RORA: variants seen among roughly 807,000 people sequenced by gnomAD.
RORA encodes the protein nuclear receptor ROR-alpha.
In RORA, 7 loss-of-function variants were observed where a neutral mutation model predicts 69.5. That is an observed-to-expected ratio of 0.10 (90% CI 0.06 to 0.19). The LOEUF is 0.19. Among genes scored for constraint, RORA ranks in the 10% least tolerant of loss-of-function variants. The pLI is 1.00. For missense variants in RORA, 457 were observed against 663.0 expected, an observed-to-expected ratio of 0.69 and a Z score of 3.41; for synonymous variants, 261 against 240.8, an observed-to-expected ratio of 1.08 and a Z score of -0.78.
intron 1 of RORA, among the ~76,000 whole-genome samples, chr15:60,796,139 G>A (rs778036168): frequency 1.3e-5 from 2 of 152,202 alleles, no homozygotes; most frequent in Non-Finnish European, 2.9e-5. Context: ...GTTCTGCCAC[G>A]TCTCCTCCTG....
Position 60,645,835 on chromosome 15 carries a change from G to A in RORA, c.196+32822C>T, listed in dbSNP as rs372457391. Among the ~76,000 whole-genome samples, 37 of 148,798 alleles carry A rather than the reference G, an allele frequency of 2.5e-4. No individual in the cohort carries two copies. The East Asian group carries it at 5.5e-3, about 22-fold the overall frequency. On this transcript the variant is annotated intron_variant, in intron 2 of 10. Coordinates refer to ENST00000335670, the MANE Select transcript of RORA (RefSeq NM_134261.3). ...TTTAAAAAATTAAGGGGCTGATTTCGTTATATGTTATCATACATATATACA... is the reference window on the plus strand; with the variant it reads ...TTTAAAAAATTAAGGGGCTGATTTCATTATATGTTATCATACATATATACA...
At chr15:60,805,671 T>C (rs1442260463) in intron 1 of RORA, among the ~76,000 whole-genome samples, 3 of 152,200 alleles carry the variant, frequency 2.0e-5, no homozygotes, top group African/African-American at 7.2e-5. Flanking sequence ...TAGGATTACA[T>C]GGTAGGTCTA....
chr15:60,667,149 A>C (rs2070393184), intron 2 of RORA, among the ~76,000 whole-genome samples: 1 of 152,178 alleles, frequency 6.6e-6, no homozygotes, highest in Non-Finnish European at 1.5e-5. Flanking sequence ...TCTTGGTACC[A>C]CTAGACAAGA....
chr15:60,632,047 G>T (rs1435284923), intron 2 of RORA, among the ~76,000 whole-genome samples: 1 of 151,736 alleles, frequency 6.6e-6, no homozygotes, highest in Non-Finnish European at 1.5e-5. Flanking sequence ...CAAGAGAACC[G>T]AAAGAGTATT....
intron 1 of RORA, among the ~76,000 whole-genome samples, chr15:60,775,222 G>A (rs1448130290): frequency 1.3e-5 from 2 of 152,142 alleles, no homozygotes; most frequent in African/African-American, 4.8e-5. Context: ...TCTGGTCCAA[G>A]CTGCAAAAGA....
chr15:60,595,061 C>T (rs972749835), intron 2 of RORA, among the ~76,000 whole-genome samples: 3 of 151,174 alleles, frequency 2.0e-5, no homozygotes, highest in African/African-American at 7.3e-5. Flanking sequence ...TCAAAATGCA[C>T]ATTTTCTATG....
intron 2 of RORA, among the ~76,000 whole-genome samples, chr15:60,597,551 C>CACACA: frequency 4.0e-5 from 1 of 25,136 alleles, no homozygotes; most frequent in South Asian, 1.5e-3. Context: ...ACACACACAA[C>CACACA]ATATATATAT....
intron 1 of RORA, among the ~76,000 whole-genome samples, chr15:60,692,854 T>C (rs1400923380): frequency 6.6e-6 from 1 of 152,230 alleles, no homozygotes; most frequent in Non-Finnish European, 1.5e-5. Context: ...GATTTACAGC[T>C]GAATTCTACC....
intron 1 of RORA, among the ~76,000 whole-genome samples, chr15:61,060,474 G>A (rs1303032184): frequency 6.6e-6 from 1 of 152,142 alleles, no homozygotes; most frequent in Admixed American, 6.5e-5. Context: ...ACACCTCAGG[G>A]TAGGGGTCGG....
At chr15:60,854,253 C>T (rs535025488) in intron 1 of RORA, among the ~76,000 whole-genome samples, 1 of 151,872 alleles carries the variant, frequency 6.6e-6, no homozygotes, top group East Asian at 1.9e-4. Flanking sequence ...AGCGAGACTC[C>T]ATCTCAAATA....
intron 2 of RORA, 66 bp downstream of exon 2, chr15:60,678,591 C>T: frequency 8.4e-7 from 1 of 1,185,698 alleles, no homozygotes; most frequent in Non-Finnish European, 1.3e-6. Context: ...AGGGTCACAG[C>T]AGCCAGACAT....
At chr15:60,973,889 G>A (rs1893801481) in intron 1 of RORA, among the ~76,000 whole-genome samples, 1 of 152,224 alleles carries the variant, frequency 6.6e-6, no homozygotes, top group Admixed American at 6.5e-5. Context: ...CCCCACACAA[G>A]GAAACCCTAT....
intron 1 of RORA, among the ~76,000 whole-genome samples, chr15:60,691,004 G>C (rs2070815016): frequency 6.6e-6 from 1 of 152,122 alleles, no homozygotes; most frequent in South Asian, 2.1e-4. Flanking sequence ...GGCCTGCCTG[G>C]TTCTCCGACC....
intron 1 of RORA, among the ~76,000 whole-genome samples, chr15:61,068,058 A>G (rs910727849): frequency 6.6e-6 from 1 of 152,206 alleles, no homozygotes; most frequent in Non-Finnish European, 1.5e-5. Context: ...TTTTGGTCAA[A>G]ATATTTGGAG....
rs112647275 is a variant in RORA, at chr15:60,810,918, C to T, written c.167-132232G>A. Among the ~76,000 whole-genome samples the T allele has an allele frequency of 9.2e-4, 140 of 152,242 alleles. 1 individual carries two copies. Among genetic ancestry groups the T allele is most frequent in the African/African-American group, 3.3e-3 (137 of 41,544 alleles). ...CCACTGTTAGAATAATGGATTAGGC[C>T]ATTTCCTTGGGGAGCCACAATGCCA... On this transcript the variant is annotated intron_variant, in intron 1 of 10. Coordinates refer to ENST00000335670, the MANE Select transcript of RORA (RefSeq NM_134261.3).
At chr15:61,100,569 T>C (rs1384990060) in intron 1 of RORA, among the ~76,000 whole-genome samples, 1 of 152,184 alleles carries the variant, frequency 6.6e-6, no homozygotes, top group East Asian at 1.9e-4. Context: ...TCTCACTGTG[T>C]TGTCCAGGGG....
At chr15:60,519,573 A>G (rs2066089114) in intron 3 of RORA, among the ~76,000 whole-genome samples, 1 of 152,226 alleles carries the variant, frequency 6.6e-6, no homozygotes, top group Non-Finnish European at 1.5e-5. Flanking sequence ...TGTAAAAAAC[A>G]AGTTATGCAG....
chr15:60,742,297 T>G (rs7168905), intron 1 of RORA, among the ~76,000 whole-genome samples: 49,449 of 152,146 alleles, frequency 0.33, 10,002 homozygotes, highest in Non-Finnish European at 0.46. Flanking sequence ...GATATGTAAG[T>G]GCAGAAATCT....
Position 60,609,364 on chromosome 15 carries a change from T to C in RORA, c.196+69293A>G, listed in dbSNP as rs116905383. Among the ~76,000 whole-genome samples the C allele has an allele frequency of 7.9e-3, 1,199 of 152,268 alleles. 13 individuals carry two copies. Among genetic ancestry groups the C allele is most frequent in the Non-Finnish European group, 0.012 (832 of 68,006 alleles). ...TAGGCAAAATAACATGGAACATTAA[T>C]GGCAGGGATTTTAGAGGAAACAAAA... is the stretch of plus-strand genomic sequence containing the variant. On this transcript the variant is annotated intron_variant, in intron 2 of 10. Coordinates refer to ENST00000335670, the MANE Select transcript of RORA (RefSeq NM_134261.3).
Sources: gnomAD v4.1 joint callset for allele counts (sites outside exome capture counted in the v4.1 genomes callset) on GRCh38, gnomAD v4.1.1 for gene constraint, MANE v1.5 for transcripts, NCBI Gene and HGNC (gene_info 2026-07-23, HGNC 2026-07-21) for gene names.